CACNA1I: variants seen among roughly 807,000 people sequenced by gnomAD.
CACNA1I encodes the protein voltage-dependent T-type calcium channel subunit alpha-1I.
In CACNA1I, 74 loss-of-function variants were observed where a neutral mutation model predicts 201.6. That is an observed-to-expected ratio of 0.37 (90% CI 0.30 to 0.45). The LOEUF (loss-of-function observed/expected upper bound fraction) is 0.45. Among genes scored for constraint, CACNA1I ranks in the 20% least tolerant of loss-of-function variants. CACNA1I has a pLI of 1.00. For synonymous variants in CACNA1I, 1,431 were observed against 1,345.2 expected (o/e 1.06, Z -1.40); for missense variants, 2,346 against 3,138.1 (o/e 0.75, Z 6.03).
At position 39,662,838 on chromosome 22, in the gene CACNA1I, C is replaced by T. The variant is rs1257762465; in HGVS notation, c.3435C>T (p.Arg1145=). The change falls in exon 18 of 37, where the codon CGC becomes CGT. Residue 1145 remains arginine, a synonymous_variant. Coordinates refer to ENST00000402142, the MANE Select transcript of CACNA1I (RefSeq NM_021096.4). ...ATAAGCCCGACTGGTGCGAGGTCCG[C>T]GAAGACTGGTCTGTCTACCTCTTCT... ...DVYKPDWCEV[R]EDWSVYLFSP... is the part of the protein sequence containing the mutation. 4 of 1,601,560 alleles carry T rather than the reference C, an allele frequency of 2.5e-6. No individual in the cohort carries two copies. Among genetic ancestry groups the T allele is most frequent in the Middle Eastern group, 1.7e-4 (1 of 5,874 alleles).
chr22:39,666,131 T>G lies in CACNA1I; in HGVS notation c.4104+125T>G. The stretch of plus-strand genomic sequence containing the variant: ...GACACTGACTTCTCCTCTCCAAGCC[T>G]CAGTTTCCTCTTCTGCAAAATGGGT... On this transcript the variant is annotated intron_variant, in intron 23 of 36. Coordinates refer to ENST00000402142, the MANE Select transcript of CACNA1I (RefSeq NM_021096.4). This position sits in a 1 kb window ranked among gnomAD's most constrained non-coding sequence, Gnocchi z 4.1. 1.6e-6 allele frequency: 2 copies of G among 1,232,860 alleles called. No individual in the cohort carries two copies. The highest frequency in any genetic ancestry group is 2.3e-6 in the Non-Finnish European group (2 of 879,654). 76.4% of individuals were successfully genotyped at this position (1,232,860 alleles called of 1,614,324 possible).
intron 3 of CACNA1I, among the ~76,000 whole-genome samples, chr22:39,607,106 G>T (rs1569059409): frequency 2.0e-5 from 3 of 152,220 alleles, no homozygotes; most frequent in African/African-American, 4.8e-5. Flanking sequence ...GGAGGGTGAG[G>T]CTACTGGGAT....
intron 5 of CACNA1I, among the ~76,000 whole-genome samples, chr22:39,636,463 G>C (rs1405779320): frequency 2.0e-5 from 3 of 152,220 alleles, no homozygotes; most frequent in Non-Finnish European, 4.4e-5. Flanking sequence ...ATTCTCTTAG[G>C]GTGGGTGTTA....
chr22:39,647,652 G>C (rs1361761916), intron 8 of CACNA1I, among the ~76,000 whole-genome samples, 170 bp from the exon 9 acceptor site: 5 of 152,138 alleles, frequency 3.3e-5, no homozygotes, highest in Admixed American at 6.5e-5. Flanking sequence ...GGGCTCACGT[G>C]ATCCTCCCGC....
intron 3 of CACNA1I, among the ~76,000 whole-genome samples, chr22:39,616,208 C>T (rs1933531730): frequency 6.6e-6 from 1 of 152,172 alleles, no homozygotes; most frequent in Non-Finnish European, 1.5e-5. Context: ...AATGCACTGC[C>T]AGGCAGCGGC....
intron 1 of CACNA1I, among the ~76,000 whole-genome samples, chr22:39,580,357 C>T (rs530655925): frequency 1.2e-4 from 18 of 152,312 alleles, no homozygotes; most frequent in Admixed American, 9.1e-4. Flanking sequence ...CGGGCCAGAG[C>T]GGAGGCTGCA....
At chr22:39,680,791 C>A in intron 33 of CACNA1I, 139 bp from the exon 34 acceptor site, 1 of 866,320 alleles carries the variant, frequency 1.2e-6, no homozygotes, top group Non-Finnish European at 1.7e-6. Flanking sequence ...ACACATCATC[C>A]GTGTCCAGCA....
chr22:39,673,888 ACGTGCACACATG>A, intron 28 of CACNA1I, 63 bp from the exon 29 acceptor site: 1 of 1,378,390 alleles, frequency 7.3e-7, no homozygotes, highest in Non-Finnish European at 1.0e-6. Flanking sequence ...AAGTTTACAC[ACGTGCACACATG>A]CGTGCACACA....
chr22:39,576,528 A>G (rs1171481485), intron 1 of CACNA1I, among the ~76,000 whole-genome samples: 1 of 152,198 alleles, frequency 6.6e-6, no homozygotes, highest in Non-Finnish European at 1.5e-5. Flanking sequence ...TCCACACTCC[A>G]CCAGGGCAGA....
intron 3 of CACNA1I, among the ~76,000 whole-genome samples, chr22:39,616,152 C>G (rs1272513211): frequency 6.6e-6 from 1 of 152,142 alleles, no homozygotes; most frequent in Non-Finnish European, 1.5e-5. Context: ...ATGTGTTGCT[C>G]CAGGCCTGCC....
chr22:39,673,334 C>A (rs1935428972), intron 28 of CACNA1I, among the ~76,000 whole-genome samples: 1 of 152,208 alleles, frequency 6.6e-6, no homozygotes, highest in Non-Finnish European at 1.5e-5. Flanking sequence ...CATGGACACA[C>A]ACTCCCACTT....
rs1250478590 is a variant in CACNA1I at position 39,689,033 on chromosome 22, G to T, written c.*2628G>T. On this transcript the variant is annotated 3_prime_UTR_variant, in exon 37 of 37. Coordinates refer to ENST00000402142, the MANE Select transcript of CACNA1I (RefSeq NM_021096.4). The stretch of plus-strand genomic sequence containing the variant: ...CCAGGACAAGTCAACATGGGTGAGG[G>T]TTGGGCAAAGGGCCCTTCCTTCCTC... 11 of 152,752 alleles carry T rather than the reference G, an allele frequency of 7.2e-5. No homozygotes were observed. The highest frequency in any genetic ancestry group is 2.6e-4 in the Admixed American group (4 of 15,292). 9.5% of individuals were successfully genotyped at this position (152,752 alleles called of 1,614,324 possible). A position where few individuals can be genotyped will look rare whatever the true frequency, so the allele number is the denominator to read the frequency against.
chr22:39,611,026 T>C (rs1314157323), intron 3 of CACNA1I, among the ~76,000 whole-genome samples: 1 of 152,096 alleles, frequency 6.6e-6, no homozygotes. Context: ...GCTGTGCCCC[T>C]ATCACGTGGC....
intron 4 of CACNA1I, among the ~76,000 whole-genome samples, chr22:39,624,689 GGACA>G (rs1426829363): frequency 1.3e-5 from 2 of 152,178 alleles, no homozygotes; most frequent in East Asian, 1.9e-4. Flanking sequence ...TCATTTCGCG[GGACA>G]GACAGTTTTG....
chr22:39,630,964 G>T (rs1196740855), intron 4 of CACNA1I, among the ~76,000 whole-genome samples: 1 of 152,178 alleles, frequency 6.6e-6, no homozygotes, highest in African/African-American at 2.4e-5. Flanking sequence ...GCAGGTTCAG[G>T]TGTGGCAGGG....
intron 1 of CACNA1I, among the ~76,000 whole-genome samples, chr22:39,572,944 A>G (rs2145795277): frequency 6.6e-6 from 1 of 152,176 alleles, no homozygotes; most frequent in Admixed American, 6.6e-5. Context: ...TTTAGTAGAG[A>G]TGGGGTTTCA....
At chr22:39,674,364 CAGAG>C (rs1182853728) in intron 29 of CACNA1I, among the ~76,000 whole-genome samples, 2 of 152,100 alleles carry the variant, frequency 1.3e-5, no homozygotes, top group African/African-American at 4.8e-5. Flanking sequence ...CAGCATGCTC[CAGAG>C]AGAGAGAAGA....
chr22:39,626,097 C>G (rs962769270), intron 4 of CACNA1I, among the ~76,000 whole-genome samples: 1 of 152,296 alleles, frequency 6.6e-6, no homozygotes, highest in African/African-American at 2.4e-5. Context: ...GCTGCCATCC[C>G]CTCGGCTGCA....
In CACNA1I at chr22:39,664,841, G is replaced by C. The variant is rs1935136103; in HGVS notation, c.3769G>C (p.Val1257Leu). 6.2e-7 allele frequency: 1 copy of C among 1,613,216 alleles called. No individual in the cohort carries two copies. The highest frequency in any genetic ancestry group is 8.5e-7 in the Non-Finnish European group (1 of 1,179,800). The change falls in exon 21 of 37, where the codon GTG (valine) becomes CTG (leucine). Residue 1257 changes from valine to leucine, a missense_variant. Physicochemically the swap from Val to Leu is conservative, Grantham distance 32 (BLOSUM62 1). Transcript: ENST00000402142. ...LVFVSIIDIV[V>L]SLASAGGAKI... The stretch of plus-strand genomic sequence containing the variant: ...CTTCGTGTCCATCATCGACATCGTG[G>C]TGTCCCTGGCCTCAGCCGGGGGAGC...
Sources: allele counts gnomAD v4.1 joint callset (sites outside exome capture counted in the v4.1 genomes callset), GRCh38; gene constraint gnomAD v4.1.1; non-coding constraint Gnocchi (gnomAD v3.1); transcripts MANE v1.5; gene names NCBI Gene and HGNC (gene_info 2026-07-23, HGNC 2026-07-21).